Variants in PRUNE2 observed in about 807,000 individuals in gnomAD.
The protein encoded by PRUNE2 is prune homolog 2 with BCH domain, also known as protein prune homolog 2.
PRUNE2 carries 164 observed loss-of-function variants against 252.0 expected under a neutral mutation model. The observed-to-expected ratio is 0.65, with a 90% CI of 0.57 to 0.74. The LOEUF is 0.74. PRUNE2 is among the 30% of genes least tolerant of loss of function. PRUNE2 has a pLI of 0.00. For missense variants in PRUNE2, 3,495 were observed against 3,711.0 expected (o/e 0.94, Z 1.51); for synonymous variants, 1,292 against 1,350.2 (o/e 0.96, Z 0.94).
intron 9 of PRUNE2, among the ~76,000 whole-genome samples, chr9:76,678,288 T>C (rs953898666): frequency 2.4e-5 from 3 of 123,632 alleles, no homozygotes; most frequent in African/African-American, 9.8e-5. Context: ...GGAGTGGAGG[T>C]TGCAGTGAGC....
At chr9:76,676,535 G>C (rs1036468993) in intron 9 of PRUNE2, among the ~76,000 whole-genome samples, 1 of 152,090 alleles carries the variant, frequency 6.6e-6, no homozygotes, top group South Asian at 2.1e-4. Flanking sequence ...GTTAATAGCA[G>C]TTACCTATGT....
At chr9:76,644,431 A>C in intron 12 of PRUNE2, 1 of 409,194 alleles carries the variant, frequency 2.4e-6, no homozygotes, top group East Asian at 6.0e-5. Flanking sequence ...TGGACTGATA[A>C]GAATGCCAAA....
chr9:76,698,445 A>G (rs1434871459), intron 9 of PRUNE2, among the ~76,000 whole-genome samples: 1 of 152,246 alleles, frequency 6.6e-6, no homozygotes, highest in Non-Finnish European at 1.5e-5. Context: ...AGTCAGTGCT[A>G]AGTTTGTTCT....
chr9:76,792,582 C>T (rs2055660956), intron 6 of PRUNE2, among the ~76,000 whole-genome samples: 2 of 152,174 alleles, frequency 1.3e-5, no homozygotes, highest in South Asian at 4.1e-4. Flanking sequence ...ACATTCTCAT[C>T]TGCATTATTC....
At chr9:76,660,479 G>C (rs1293869275) in intron 9 of PRUNE2, among the ~76,000 whole-genome samples, 2 of 152,040 alleles carry the variant, frequency 1.3e-5, no homozygotes, top group Non-Finnish European at 2.9e-5. Flanking sequence ...TAGGACCCTA[G>C]GGTTCCAAAA....
At chr9:76,843,312 C>T (rs1318623559) in intron 4 of PRUNE2, among the ~76,000 whole-genome samples, 4 of 151,718 alleles carry the variant, frequency 2.6e-5, no homozygotes, top group East Asian at 1.9e-4. Context: ...TATCACACAC[C>T]GGGGCCTGTT....
chr9:76,637,414 A>G lies in PRUNE2; in HGVS notation c.8963+4T>C. ...ATAGTGATTAAATAATAGAGCCCACATACCGTCTGTCAATCATCTGGTAGC... is the reference window on the plus strand; with the variant it reads ...ATAGTGATTAAATAATAGAGCCCACGTACCGTCTGTCAATCATCTGGTAGC... On this transcript the variant is annotated splice_donor_region_variant and intron_variant, in intron 14 of 18. Coordinates refer to ENST00000376718, the MANE Select transcript of PRUNE2 (RefSeq NM_015225.3). The G allele has an allele frequency of 1.2e-6, 2 of 1,613,536 alleles. No individual in the cohort carries two copies. The highest frequency in any genetic ancestry group is 2.2e-5 in the South Asian group (2 of 91,076).
intron 1 of PRUNE2, among the ~76,000 whole-genome samples, chr9:76,900,980 T>G (rs2063136066): frequency 6.6e-6 from 1 of 152,238 alleles, no homozygotes; most frequent in African/African-American, 2.4e-5. Context: ...GTTTACTTAG[T>G]TGACAAAATA....
At chr9:76,752,256 C>A (rs567399887) in intron 6 of PRUNE2, among the ~76,000 whole-genome samples, 31 of 152,240 alleles carry the variant, frequency 2.0e-4, no homozygotes, top group Admixed American at 1.7e-3. Context: ...CGCCACCACA[C>A]CTGGCTAATT....
chr9:76,733,866 G>A (rs1225352487), intron 6 of PRUNE2: 2 of 151,346 alleles, frequency 1.3e-5, no homozygotes, highest in African/African-American at 4.9e-5. Context: ...TCCTGCTACT[G>A]ACTTTGTGAT....
At chr9:76,674,529 C>A (rs1334047690) in intron 9 of PRUNE2, among the ~76,000 whole-genome samples, 1 of 151,930 alleles carries the variant, frequency 6.6e-6, no homozygotes, top group Non-Finnish European at 1.5e-5. Flanking sequence ...ATCAAGCTAC[C>A]AATGACTTTC....
intron 7 of PRUNE2, among the ~76,000 whole-genome samples, chr9:76,713,172 CA>C (rs1030279159): frequency 2.0e-5 from 3 of 151,746 alleles, no homozygotes; most frequent in African/African-American, 7.3e-5. Flanking sequence ...TACCTGGAGA[CA>C]AACTAACTTT....
At chr9:76,905,203 A>C (rs1182961874) in intron 1 of PRUNE2, among the ~76,000 whole-genome samples, 2 of 152,208 alleles carry the variant, frequency 1.3e-5, no homozygotes, top group Non-Finnish European at 2.9e-5. Flanking sequence ...TTGTTTCAGA[A>C]TGTGTAGCAA....
chr9:76,717,475 C>T (rs1194301304), intron 6 of PRUNE2, among the ~76,000 whole-genome samples: 1 of 152,156 alleles, frequency 6.6e-6, no homozygotes, highest in Non-Finnish European at 1.5e-5. Flanking sequence ...TACAGGTTGG[C>T]ATTTTATTCC....
At chr9:76,877,310 G>C (rs1340074538) in intron 1 of PRUNE2, among the ~76,000 whole-genome samples, 1 of 151,942 alleles carries the variant, frequency 6.6e-6, no homozygotes, top group Non-Finnish European at 1.5e-5. Flanking sequence ...TTCGAGACCA[G>C]CCTGGGCAAC....
intron 1 of PRUNE2, among the ~76,000 whole-genome samples, chr9:76,884,333 A>G (rs1457053808): frequency 6.6e-6 from 1 of 152,210 alleles, no homozygotes; most frequent in East Asian, 1.9e-4. Flanking sequence ...CCCACACTGA[A>G]GAACTAGAAA....
chr9:76,843,790 G>A (rs1181316547), intron 4 of PRUNE2, among the ~76,000 whole-genome samples: 1 of 145,662 alleles, frequency 6.9e-6, no homozygotes, highest in Non-Finnish European at 1.5e-5. Context: ...GTGCAATGGT[G>A]AGATCTCGGC....
intron 6 of PRUNE2, among the ~76,000 whole-genome samples, chr9:76,801,925 T>C (rs906661486): frequency 6.6e-6 from 1 of 152,148 alleles, no homozygotes; most frequent in Admixed American, 6.5e-5. Flanking sequence ...TGTAGCAATG[T>C]ATTCTTATAA....
chr9:76,639,646 T>C (rs1841731060), intron 12 of PRUNE2, among the ~76,000 whole-genome samples: 1 of 152,182 alleles, frequency 6.6e-6, no homozygotes, highest in African/African-American at 2.4e-5. Context: ...CTTCCTCTCA[T>C]AAGAGGAGGA....
Sources: gnomAD v4.1 joint callset for allele counts (sites outside exome capture counted in the v4.1 genomes callset) on GRCh38, gnomAD v4.1.1 for gene constraint, MANE v1.5 for transcripts, NCBI Gene and HGNC (gene_info 2026-07-23, HGNC 2026-07-21) for gene names.